The following ZNF354B variants were observed in gnomAD, a reference collection of about 807,000 sequenced individuals.
The protein encoded by ZNF354B is zinc finger protein 354B.
Under a neutral mutation model 12.9 loss-of-function variants are expected in ZNF354B, and 10 were observed. That is an observed-to-expected ratio of 0.77 (90% CI 0.48 to 1.31). The LOEUF is 1.31. Ranked by LOEUF, ZNF354B falls within the 40% of genes most tolerant of loss-of-function variation. The pLI is 0.00. For missense variants in ZNF354B, 614 were observed against 711.7 expected (o/e 0.86, Z 1.56); for synonymous variants, 260 against 243.7 (o/e 1.07, Z -0.62).
In ZNF354B at chr5:178,884,201, T is replaced by C; in HGVS notation, c.1749T>C (p.Cys583=). ...AGAAACCCTATGAATGTAATGCATG[T>C]GGGAAACTCTTTAGCCAGAGGTCAT... ...TGEKPYECNA[C]GKLFSQRSSL... The change falls in exon 5 of 5, where the codon TGT becomes TGC. Residue 583 remains cysteine (C), a synonymous_variant. Coordinates refer to ENST00000322434, the MANE Select transcript of ZNF354B (RefSeq NM_058230.3). The C allele has an allele frequency of 6.2e-7, 1 of 1,613,998 alleles. No homozygotes were observed. Among genetic ancestry groups the C allele is most frequent in the East Asian group, 2.2e-5 (1 of 44,866 alleles).
chr5:178,872,733 C>T (rs1757582215), intron 4 of ZNF354B, among the ~76,000 whole-genome samples: 1 of 152,314 alleles, frequency 6.6e-6, no homozygotes, highest in South Asian at 2.1e-4. Flanking sequence ...TTGCTAACAT[C>T]TGTTGATGTT....
rs1581817276 is a variant in ZNF354B, at chr5:178,882,488, C to T, written c.257-221C>T. ...GATCCTTCTGCTCCATTCTCTTGGTCACTCTTACACACTCACCCGCCTTAA... is the reference window on the plus strand; with the variant it reads ...GATCCTTCTGCTCCATTCTCTTGGTTACTCTTACACACTCACCCGCCTTAA... On this transcript the variant is annotated intron_variant, in intron 4 of 4. Coordinates refer to ENST00000322434, the MANE Select transcript of ZNF354B (RefSeq NM_058230.3). 2.6e-5 allele frequency among the ~76,000 whole-genome samples: 4 copies of T among 152,172 alleles called. No individual in the cohort carries two copies. The South Asian group carries it at 8.3e-4, about 31-fold the overall frequency.
chr5:178,881,008 A>T (rs747885061), intron 4 of ZNF354B, among the ~76,000 whole-genome samples: 75 of 151,734 alleles, frequency 4.9e-4, no homozygotes, highest in Non-Finnish European at 9.7e-4. Flanking sequence ...AAGTCCAGCT[A>T]ATTTTTGTTA....
At chr5:178,865,821 A>G (rs75003029) in intron 2 of ZNF354B, among the ~76,000 whole-genome samples, 18 of 152,040 alleles carry the variant, frequency 1.2e-4, no homozygotes, top group Admixed American at 1.2e-3. Flanking sequence ...AACCCAGCCT[A>G]TATCAGTGAG....
At chr5:178,863,721 ATGACAGC>A (rs1226535246) in intron 2 of ZNF354B, among the ~76,000 whole-genome samples, 1 of 152,146 alleles carries the variant, frequency 6.6e-6, no homozygotes, top group Non-Finnish European at 1.5e-5. Flanking sequence ...CTCATAGGAG[ATGACAGC>A]TGCATGTGTG....
intron 2 of ZNF354B, among the ~76,000 whole-genome samples, chr5:178,863,132 A>T (rs1172362502): frequency 6.6e-6 from 1 of 152,168 alleles, no homozygotes; most frequent in Admixed American, 6.5e-5. Context: ...AACAAAGATC[A>T]TGTCTTGTAC....
chr5:178,862,523 C>T (rs1262171064), intron 2 of ZNF354B, among the ~76,000 whole-genome samples: 2 of 152,070 alleles, frequency 1.3e-5, no homozygotes, highest in Non-Finnish European at 2.9e-5. Flanking sequence ...TGTGCCACCA[C>T]GCCCGGCTAA....
chr5:178,872,790 A>G (rs1286576381), intron 4 of ZNF354B, among the ~76,000 whole-genome samples: 1 of 151,434 alleles, frequency 6.6e-6, no homozygotes, highest in Non-Finnish European at 1.5e-5. Context: ...CCTTTTTTTT[A>G]TTTTTTATTT....
intron 2 of ZNF354B, among the ~76,000 whole-genome samples, chr5:178,864,644 A>G (rs1027087124): frequency 6.8e-6 from 1 of 147,582 alleles, no homozygotes; most frequent in Non-Finnish European, 1.5e-5. Context: ...TTTTTTGGAG[A>G]GGGAGTCTCA....
chr5:178,873,324 T>C lies in ZNF354B; in HGVS notation c.256+6253T>C, dbSNP rs1433854672. On this transcript the variant is annotated intron_variant, in intron 4 of 4. Transcript: ENST00000322434. Reference sequence around the variant, plus strand: ...TGAGGTCCAGTTGATCAGTGTTTCCTTTTATGGATTGTGCTTTTGGTGTCA... The same window carrying C: ...TGAGGTCCAGTTGATCAGTGTTTCCCTTTATGGATTGTGCTTTTGGTGTCA... Among the ~76,000 whole-genome samples, 5 of 152,240 alleles carry C rather than the reference T, an allele frequency of 3.3e-5. No individual in the cohort carries two copies. The East Asian group carries it at 9.6e-4, about 29-fold the overall frequency.
chr5:178,884,138 C>G lies in ZNF354B; in HGVS notation c.1686C>G (p.Ser562Arg), dbSNP rs368083878. 5.6e-6 allele frequency: 9 copies of G among 1,613,970 alleles called. No homozygotes were observed. The highest frequency in any genetic ancestry group is 2.7e-5 in the African/African-American group (2 of 75,004). The part of the protein sequence containing the change: ...CNTCGKTFRQ[S>R]SSLIAHQRIH... ...CATGTGGAAAAACTTTTAGACAAAG[C>G]TCATCACTTATTGCACATCAAAGAA... Residue 562 changes from serine (S) to arginine (R), a missense_variant, in exon 5 of 5, where the codon AGC becomes AGG. Ser to Arg is a moderately radical substitution (Grantham distance 110). Transcript: ENST00000322434.
chr5:178,865,457 C>T (rs905051510), intron 2 of ZNF354B, among the ~76,000 whole-genome samples: 3 of 151,976 alleles, frequency 2.0e-5, no homozygotes, highest in Non-Finnish European at 4.4e-5. Context: ...TTAGTAGAGA[C>T]AGGGTTTCAC....
At chr5:178,881,558 A>G (rs568073639) in intron 4 of ZNF354B, among the ~76,000 whole-genome samples, 2 of 152,298 alleles carry the variant, frequency 1.3e-5, no homozygotes, top group African/African-American at 4.8e-5. Flanking sequence ...GATTTTTCAT[A>G]TTACTTGTAA....
chr5:178,868,581 G>A (rs1372183117), intron 4 of ZNF354B, among the ~76,000 whole-genome samples: 1 of 152,036 alleles, frequency 6.6e-6, no homozygotes, highest in African/African-American at 2.4e-5. Flanking sequence ...AAAGACACTC[G>A]GTGCTGTGAG....
intron 4 of ZNF354B, among the ~76,000 whole-genome samples, chr5:178,870,080 G>A: frequency 1.4e-5 from 2 of 147,308 alleles, no homozygotes. Context: ...GGGAGGCCAA[G>A]GTGGGAGGAT....
intron 4 of ZNF354B, among the ~76,000 whole-genome samples, chr5:178,877,832 A>G (rs1359422901): frequency 2.0e-5 from 3 of 152,224 alleles, no homozygotes; most frequent in Non-Finnish European, 4.4e-5. Context: ...AAGCCTTCAT[A>G]TAGTTTCCAG....
At chr5:178,875,335 G>A (rs1757621416) in intron 4 of ZNF354B, among the ~76,000 whole-genome samples, 1 of 152,192 alleles carries the variant, frequency 6.6e-6, no homozygotes, top group South Asian at 2.1e-4. Flanking sequence ...AAGAGATGCA[G>A]AACCACTGTC....
chr5:178,878,693 GTTTGTTTTGT>G (rs573380933), intron 4 of ZNF354B, among the ~76,000 whole-genome samples: 3 of 151,946 alleles, frequency 2.0e-5, no homozygotes, highest in Non-Finnish European at 2.9e-5. Context: ...AGGTTTTTTT[GTTTGTTTTGT>G]TTTGTTTTGT....
chr5:178,875,440 A>G (rs1199832267), intron 4 of ZNF354B, among the ~76,000 whole-genome samples: 1 of 151,928 alleles, frequency 6.6e-6, no homozygotes, highest in African/African-American at 2.4e-5. Context: ...CTGGCAGGGG[A>G]AGGGAGGTCA....
Sources: gnomAD v4.1 joint callset for allele counts (sites outside exome capture counted in the v4.1 genomes callset) on GRCh38, gnomAD v4.1.1 for gene constraint, MANE v1.5 for transcripts, NCBI Gene and HGNC (gene_info 2026-07-23, HGNC 2026-07-21) for gene names.